The following PDZD2 variants were observed in gnomAD, a reference collection of about 807,000 sequenced individuals.
PDZD2 encodes PDZ domain containing 2, also known as PDZ domain-containing protein 2.
In PDZD2, 90 loss-of-function variants were observed where a neutral mutation model predicts 220.7. The observed-to-expected ratio is 0.41, with a 90% CI of 0.34 to 0.49. The LOEUF (loss-of-function observed/expected upper bound fraction) is 0.49. Among genes scored for constraint, PDZD2 ranks in the 20% least tolerant of loss-of-function variants. The probability of loss-of-function intolerance (pLI) is 0.28; values close to 1 mark genes in which losing one functional copy is unlikely to be tolerated. For missense variants in PDZD2, 3,174 were observed against 3,608.5 expected (o/e 0.88, Z 3.08); for synonymous variants, 1,375 against 1,450.5 (o/e 0.95, Z 1.18).
rs774032258 is a variant in PDZD2 at position 31,983,308 on chromosome 5, G to A, written c.630G>A (p.Ala210=). The A allele has an allele frequency of 8.7e-6, 14 of 1,614,164 alleles. No individual in the cohort carries two copies. The highest frequency in any genetic ancestry group is 5.5e-5 in the South Asian group (5 of 91,092). Residue 210 remains alanine, a synonymous_variant, in exon 3 of 25, where the codon GCG becomes GCA. Coordinates refer to ENST00000438447, the MANE Select transcript of PDZD2 (RefSeq NM_178140.4). ...TPTLELGDRT[A]KKGKRTRKFG... ...CCTTGGAGCTGGGTGACCGAACTGC[G>A]AAAAAGGGGAAACGAACCAGAAAGT...
chr5:31,838,802 G>A (rs566765330), intron 2 of PDZD2, among the ~76,000 whole-genome samples: 2 of 152,258 alleles, frequency 1.3e-5, no homozygotes, highest in South Asian at 2.1e-4. Flanking sequence ...TCCAGGTCTG[G>A]GGCATTCCCA....
rs146040521 is a variant in PDZD2 at position 32,101,125 on chromosome 5, G to A, written c.8239G>A (p.Asp2747Asn). The change falls in exon 24 of 25, where the codon GAT (aspartate) becomes AAT (asparagine). Residue 2747 changes from aspartate (D) to asparagine (N), a missense_variant. Asp to Asn is a conservative substitution (Grantham distance 23). Around this residue, in one of 4 missense-constraint regions of PDZD2, gnomAD observed 631 missense variants for 789.9 expected, o/e 0.80. Transcript: ENST00000438447. ...PGIGRSVAVH[D>N]ALCVEVLKTS... is the part of the protein sequence containing the mutation. ...TGCAGGGAGAAGTGTGGCTGTACAC[G>A]ATGCTCTGTGTGTTGAAGTGCTGAA... The A allele has an allele frequency of 4.6e-4, 749 of 1,613,936 alleles. 1 individual carries two copies. Among genetic ancestry groups the A allele is most frequent in the Non-Finnish European group, 6.0e-4 (708 of 1,179,934 alleles).
rs558138604 is a variant in PDZD2 at position 31,780,775 on chromosome 5, C to T, written c.-360-18114C>T. On this transcript the variant is annotated intron_variant, in intron 1 of 24. Transcript: ENST00000438447. Reference sequence around the variant, plus strand: ...TGGTTCCGCGGTGTCCTCAGGGTCCCAATCTCATTTTCCCTCTCACTCTGT... The same window carrying T: ...TGGTTCCGCGGTGTCCTCAGGGTCCTAATCTCATTTTCCCTCTCACTCTGT... Among the ~76,000 whole-genome samples, 37 of 152,266 alleles carry T rather than the reference C, an allele frequency of 2.4e-4. No individual in the cohort carries two copies. In the South Asian group the frequency reaches 7.5e-3, roughly 31 times the overall value.
chr5:31,830,525 T>A (rs1756516788), intron 2 of PDZD2, among the ~76,000 whole-genome samples: 1 of 152,032 alleles, frequency 6.6e-6, no homozygotes, highest in Non-Finnish European at 1.5e-5. Flanking sequence ...ATTCAACTTT[T>A]AAAAAATTAT....
chr5:31,885,155 C>T (rs1216232175), intron 2 of PDZD2, among the ~76,000 whole-genome samples: 13 of 108,364 alleles, frequency 1.2e-4, no homozygotes, highest in East Asian at 2.4e-4. Flanking sequence ...AAAGTGCAAA[C>T]GGCAAAAAAA....
intron 1 of PDZD2, among the ~76,000 whole-genome samples, chr5:31,656,042 C>A (rs1408446833): frequency 7.2e-5 from 11 of 152,230 alleles, no homozygotes; most frequent in Non-Finnish European, 1.5e-5. Flanking sequence ...AACTTCGATG[C>A]ACAGGCATAG....
chr5:31,675,294 G>A (rs371183886), intron 1 of PDZD2, among the ~76,000 whole-genome samples: 2 of 152,040 alleles, frequency 1.3e-5, no homozygotes, highest in East Asian at 1.9e-4. Flanking sequence ...CCTTCTCCCC[G>A]CTCCCACCCA....
rs1193127773 is a variant in PDZD2 at position 32,077,746 on chromosome 5, C to G, written c.3682+140C>G. On this transcript the variant is annotated intron_variant, in intron 19 of 24. Coordinates refer to ENST00000438447, the MANE Select transcript of PDZD2 (RefSeq NM_178140.4). ...CCGAGGTGGGCGGACCACTTGAGGT[C>G]AGGAGTTTGAGACCAGCCTGGCCAA... 3 of 777,734 alleles carry G rather than the reference C, an allele frequency of 3.9e-6. No individual in the cohort carries two copies. The African/African-American group carries it at 5.2e-5, about 13-fold the overall frequency. 48.2% of individuals were successfully genotyped at this position (777,734 alleles called of 1,614,324 possible).
At chr5:31,773,649 CA>C (rs1361906044) in intron 1 of PDZD2, among the ~76,000 whole-genome samples, 18 of 151,776 alleles carry the variant, frequency 1.2e-4, no homozygotes, top group Admixed American at 1.1e-3. Context: ...GACTCTGTCT[CA>C]AAAAATATTT....
chr5:31,967,818 G>A (rs187343954), intron 2 of PDZD2, among the ~76,000 whole-genome samples: 2 of 152,296 alleles, frequency 1.3e-5, no homozygotes, highest in East Asian at 3.9e-4. Context: ...CCCTGTGATA[G>A]GAAATACATG....
chr5:32,090,237 A>G lies in PDZD2; in HGVS notation c.6789A>G (p.Ala2263=), dbSNP rs770484896. 5 of 1,614,082 alleles carry G rather than the reference A, an allele frequency of 3.1e-6. No homozygotes were observed. The African/African-American group carries it at 6.7e-5, about 22-fold the overall frequency. The change falls in exon 20 of 25, where the codon GCA becomes GCG. Residue 2263 remains alanine, a synonymous_variant. Coordinates refer to ENST00000438447, the MANE Select transcript of PDZD2 (RefSeq NM_178140.4). The surrounding 1 kb of genome is among the most constrained non-coding windows in gnomAD (Gnocchi z 4.3). ...GCAGTGTTGTCCCCGAGGCAAAGGC[A>G]TCCAGAGGTGGTCTTCCCAGCCTGG... ...VTSSVVPEAK[A]SRGGLPSLAN...
At chr5:31,735,165 G>A (rs1219207068) in intron 1 of PDZD2, among the ~76,000 whole-genome samples, 1 of 152,168 alleles carries the variant, frequency 6.6e-6, no homozygotes, top group East Asian at 1.9e-4. Flanking sequence ...CTCAAGATTG[G>A]TGGGAGAGTG....
At chr5:32,043,290 C>G (rs1182936591) in intron 7 of PDZD2, among the ~76,000 whole-genome samples, 1 of 152,222 alleles carries the variant, frequency 6.6e-6, no homozygotes, top group African/African-American at 2.4e-5. Flanking sequence ...CCCTCTCCTC[C>G]TGTGTCCTTC....
intron 2 of PDZD2, among the ~76,000 whole-genome samples, chr5:31,942,462 C>T (rs1284872257): frequency 6.6e-6 from 1 of 152,068 alleles, no homozygotes; most frequent in Non-Finnish European, 1.5e-5. Flanking sequence ...AGACATGGCT[C>T]TTTTTGAGCA....
intron 2 of PDZD2, chr5:31,843,492 CCTGACCTCA>C (rs1440749558): frequency 6.6e-6 from 1 of 152,196 alleles, no homozygotes; most frequent in Non-Finnish European, 1.5e-5. Context: ...GTCTCAAATT[CCTGACCTCA>C]AGTGTCCGCC....
intron 7 of PDZD2, among the ~76,000 whole-genome samples, chr5:32,041,220 C>T (rs1332764072): frequency 2.7e-4 from 38 of 141,876 alleles, no homozygotes; most frequent in African/African-American, 7.7e-4. Flanking sequence ...AGGTGGGGAG[C>T]GCCTCTGCCC....
In PDZD2 at chr5:32,022,196, T is replaced by TTG. The variant is rs376094323; in HGVS notation, c.1407+11715_1407+11716insGT. ...CGTTTTGTTTTTTTGTTTTTTTGTT[T>TTG]TTTGTTTTTTTTTGGAGTTGGGGGA... On this transcript the variant is annotated intron_variant, in intron 6 of 24. Transcript: ENST00000438447. 1.6e-3 allele frequency among the ~76,000 whole-genome samples: 227 copies of TTG among 145,446 alleles called. 4 individuals carry two copies. Among genetic ancestry groups the TTG allele is most frequent in the South Asian group, 4.5e-3 (21 of 4,698 alleles).
intron 2 of PDZD2, among the ~76,000 whole-genome samples, chr5:31,903,935 G>A (rs1279189783): frequency 6.6e-6 from 1 of 151,804 alleles, no homozygotes; most frequent in Non-Finnish European, 1.5e-5. Context: ...TGTTGGTCAG[G>A]CTGGTCTCTA....
intron 2 of PDZD2, among the ~76,000 whole-genome samples, chr5:31,922,801 C>T (rs1396588753): frequency 6.6e-6 from 1 of 152,254 alleles, no homozygotes; most frequent in South Asian, 2.1e-4. Flanking sequence ...GCCTCAGCCT[C>T]CTGAGTAGCT....
Sources: gnomAD v4.1 joint callset for allele counts (sites outside exome capture counted in the v4.1 genomes callset) on GRCh38, gnomAD v4.1.1 for gene constraint, gnomAD v4.1.1 regional missense constraint, Gnocchi (gnomAD v3.1) non-coding constraint, MANE v1.5 for transcripts, NCBI Gene and HGNC (gene_info 2026-07-23, HGNC 2026-07-21) for gene names.